PBX3: variants seen among roughly 807,000 people sequenced by gnomAD.
The protein encoded by PBX3 is PBX homeobox 3, also known as pre-B-cell leukemia transcription factor 3.
Under a neutral mutation model 48.5 loss-of-function variants are expected in PBX3, and 14 were observed. The observed-to-expected ratio is 0.29, with a 90% CI of 0.19 to 0.45. The LOEUF (loss-of-function observed/expected upper bound fraction) is 0.45, where lower values mean the gene tolerates loss of function less well. PBX3 is among the 20% of genes least tolerant of loss of function. The pLI, the probability that PBX3 is intolerant of heterozygous loss-of-function variation, is 1.00. For missense variants in PBX3, 386 were observed against 546.7 expected (o/e 0.71, Z 2.93); for synonymous variants, 210 against 200.3 (o/e 1.05, Z -0.41).
intron 2 of PBX3, among the ~76,000 whole-genome samples, chr9:125,863,438 T>C (rs890235215): frequency 4.0e-5 from 6 of 151,510 alleles, no homozygotes; most frequent in Non-Finnish European, 8.9e-5. Flanking sequence ...TCTCGATCTC[T>C]TGACCTTGTG....
rs1057248462 is a variant in PBX3 at position 125,748,675 on chromosome 9, G to C, written c.274+52G>C. On this transcript the variant is annotated intron_variant, in intron 2 of 8. Transcript: ENST00000373489. ...CTGGAGACCCCCGAGGTGGGGGTCG[G>C]AGCTACTCCTTCGACTCTCCAGTTG... 7 of 1,397,536 alleles carry C rather than the reference G, an allele frequency of 5.0e-6. No homozygotes were observed. In the African/African-American group the frequency reaches 9.9e-5, roughly 20 times the overall value. 86.6% of individuals were successfully genotyped at this position (1,397,536 alleles called of 1,614,324 possible). A position where few individuals can be genotyped will look rare whatever the true frequency, so the allele number is the denominator to read the frequency against.
chr9:125,915,092 A>AAT (rs1406215286), intron 2 of PBX3, among the ~76,000 whole-genome samples: 56 of 151,962 alleles, frequency 3.7e-4, no homozygotes, highest in Non-Finnish European at 3.5e-4. Flanking sequence ...TTCATTTAAT[A>AAT]ATATATATAT....
chr9:125,892,597 G>C (rs1339176712), intron 2 of PBX3, among the ~76,000 whole-genome samples: 1 of 152,124 alleles, frequency 6.6e-6, no homozygotes, highest in Non-Finnish European at 1.5e-5. Context: ...TTATTACAAA[G>C]TAGGTGGCCT....
chr9:125,749,248 A>C (rs1175439189), intron 2 of PBX3: 1 of 152,268 alleles, frequency 6.6e-6, no homozygotes, highest in Non-Finnish European at 1.5e-5. Flanking sequence ...AAGTATAAAA[A>C]GGTCTACAGA....
chr9:125,858,443 G>A (rs1839778016), intron 2 of PBX3, among the ~76,000 whole-genome samples: 1 of 152,102 alleles, frequency 6.6e-6, no homozygotes, highest in African/African-American at 2.4e-5. Flanking sequence ...TATGTAAAAG[G>A]TAACAAGGGG....
intron 2 of PBX3, 64 bp downstream of exon 2, chr9:125,748,687 CGACTCTCCAGTTG>C: frequency 8.0e-7 from 1 of 1,253,134 alleles, no homozygotes; most frequent in Non-Finnish European, 1.2e-6. Flanking sequence ...GCTACTCCTT[CGACTCTCCAGTTG>C]AGAGCTGCTG....
intron 2 of PBX3, among the ~76,000 whole-genome samples, chr9:125,777,467 T>C (rs984111121): frequency 4.6e-5 from 7 of 152,062 alleles, no homozygotes; most frequent in African/African-American, 1.7e-4. Context: ...GCAATTCTCC[T>C]GCCTCAGCCT....
chr9:125,786,537 AT>A (rs1837461771), intron 2 of PBX3, among the ~76,000 whole-genome samples: 1 of 152,210 alleles, frequency 6.6e-6, no homozygotes, highest in Admixed American at 6.5e-5. Context: ...AGATTTGAGC[AT>A]TAGGTTTGGA....
intron 2 of PBX3, among the ~76,000 whole-genome samples, chr9:125,860,130 C>A (rs1326044136): frequency 6.6e-6 from 1 of 152,334 alleles, no homozygotes; most frequent in East Asian, 1.9e-4. Context: ...TGTGGCTCCG[C>A]TCATTGTAGT....
At chr9:125,780,233 C>CG (rs1360232282) in intron 2 of PBX3, among the ~76,000 whole-genome samples, 2 of 128,446 alleles carry the variant, frequency 1.6e-5, no homozygotes, top group African/African-American at 3.0e-5. Flanking sequence ...GCTGGCCGGG[C>CG]GGGGGGCTGA....
intron 2 of PBX3, among the ~76,000 whole-genome samples, chr9:125,791,884 G>A (rs550101993): frequency 1.6e-3 from 241 of 149,192 alleles, no homozygotes; most frequent in African/African-American, 5.6e-3. Context: ...TGCAGACTCC[G>A]TCTCAAAAAA....
At chr9:125,885,416 C>T (rs868481949) in intron 2 of PBX3, among the ~76,000 whole-genome samples, 1 of 152,228 alleles carries the variant, frequency 6.6e-6, no homozygotes, top group South Asian at 2.1e-4. Flanking sequence ...GTTATATGTA[C>T]ATATATAGAT....
intron 2 of PBX3, among the ~76,000 whole-genome samples, chr9:125,796,179 GCCCA>G (rs1369714870): frequency 6.6e-6 from 1 of 152,184 alleles, no homozygotes; most frequent in Non-Finnish European, 1.5e-5. Context: ...TCAGTTCACT[GCCCA>G]GGGTTAAAGT....
chr9:125,899,441 GTA>G (rs369506959), intron 2 of PBX3, among the ~76,000 whole-genome samples: 6,652 of 76,408 alleles, frequency 0.087, 540 homozygotes, highest in Middle Eastern at 0.14. Context: ...ATATATGTGT[GTA>G]TATATATATA....
rs962493143 is a variant in PBX3, at chr9:125,965,812, A to G, written c.1213-19A>G. On this transcript the variant is annotated intron_variant, in intron 8 of 8. Coordinates refer to ENST00000373489, the MANE Select transcript of PBX3 (RefSeq NM_006195.6). ...TAATATGTAGACGTGCACCCGTTGAACTGTGTTTCTCCTTTCAGGCTAATG... is the reference window on the plus strand; with the variant it reads ...TAATATGTAGACGTGCACCCGTTGAGCTGTGTTTCTCCTTTCAGGCTAATG... 5 of 1,592,484 alleles carry G rather than the reference A, an allele frequency of 3.1e-6. No individual in the cohort carries two copies. In the African/African-American group the frequency reaches 5.4e-5, roughly 17 times the overall value.
At chr9:125,817,608 C>T (rs1320531102) in intron 2 of PBX3, among the ~76,000 whole-genome samples, 1 of 152,164 alleles carries the variant, frequency 6.6e-6, no homozygotes, top group Non-Finnish European at 1.5e-5. Context: ...TAGAATTGTG[C>T]ACAATGGCTA....
intron 2 of PBX3, among the ~76,000 whole-genome samples, chr9:125,787,158 A>G (rs556378116): frequency 3.3e-5 from 5 of 151,546 alleles, no homozygotes; most frequent in African/African-American, 4.8e-5. Flanking sequence ...TCCCAACTCA[A>G]CCTCTTCAGT....
chr9:125,950,209 T>G (rs1842163942), intron 5 of PBX3, among the ~76,000 whole-genome samples: 1 of 152,234 alleles, frequency 6.6e-6, no homozygotes, highest in Non-Finnish European at 1.5e-5. Flanking sequence ...TATACACTTT[T>G]GCAGATGAAC....
At chr9:125,837,803 G>T (rs1448533427) in intron 2 of PBX3, among the ~76,000 whole-genome samples, 1 of 151,982 alleles carries the variant, frequency 6.6e-6, no homozygotes, top group African/African-American at 2.4e-5. Context: ...TGTTAGCCAG[G>T]ATGGTCTCAA....
Sources: gnomAD v4.1 joint callset for allele counts (sites outside exome capture counted in the v4.1 genomes callset) on GRCh38, gnomAD v4.1.1 for gene constraint, MANE v1.5 for transcripts, NCBI Gene and HGNC (gene_info 2026-07-23, HGNC 2026-07-21) for gene names.